The following ILDR2 variants were observed in gnomAD, a reference collection of about 807,000 sequenced individuals.
ILDR2 encodes the protein immunoglobulin-like domain-containing receptor 2.
Under a neutral mutation model 66.8 loss-of-function variants are expected in ILDR2, and 25 were observed. That is an observed-to-expected ratio of 0.37 (90% CI 0.27 to 0.52). The LOEUF is 0.52. Ranked by LOEUF, ILDR2 falls within the 20% of genes least tolerant of loss-of-function variation. The pLI is 0.88. For missense variants in ILDR2, 827 were observed against 876.8 expected, an observed-to-expected ratio of 0.94 and a Z score of 0.72; for synonymous variants, 367 against 357.2, an observed-to-expected ratio of 1.03 and a Z score of -0.31.
At chr1:166,958,716 T>G (rs1016224973) in intron 1 of ILDR2, among the ~76,000 whole-genome samples, 1 of 152,194 alleles carries the variant, frequency 6.6e-6, no homozygotes, top group Non-Finnish European at 1.5e-5. Context: ...TTAATATTTC[T>G]TCCCTCCTCT....
intron 1 of ILDR2, among the ~76,000 whole-genome samples, chr1:166,969,411 G>A (rs1258017369): frequency 6.6e-6 from 1 of 152,166 alleles, no homozygotes; most frequent in Non-Finnish European, 1.5e-5. Flanking sequence ...TTTTCAGAAA[G>A]CCAAAAACTA....
At chr1:166,939,676 G>A in intron 3 of ILDR2, 106 bp from the exon 4 acceptor site, 1 of 821,834 alleles carries the variant, frequency 1.2e-6, no homozygotes, top group East Asian at 2.5e-5. Context: ...GGCCATTAGT[G>A]CATGCTCTTT....
rs1660345304 is a variant in ILDR2 at position 166,927,074 on chromosome 1, T to C, written c.987A>G (p.Arg329=). The C allele has an allele frequency of 6.2e-7, 1 of 1,605,018 alleles. No individual in the cohort carries two copies. Residue 329 remains arginine (R), a synonymous_variant, in exon 7 of 10, where the codon AGA becomes AGG. Transcript: ENST00000271417. The part of the protein sequence containing the change: ...LAQFDPARRM[R]GRYNNTISEL... ...AAACTAACAGATGCTCACATCTGCCTCTCATCCTTCTGGCTGGATCAAACT... is the reference window on the plus strand; with the variant it reads ...AAACTAACAGATGCTCACATCTGCCCCTCATCCTTCTGGCTGGATCAAACT...
At chr1:166,956,165 G>T (rs1284862333) in intron 3 of ILDR2, among the ~76,000 whole-genome samples, 1 of 152,138 alleles carries the variant, frequency 6.6e-6, no homozygotes, top group East Asian at 1.9e-4. Flanking sequence ...GCATAACTTG[G>T]ACACTTTCAG....
intron 1 of ILDR2, among the ~76,000 whole-genome samples, chr1:166,964,633 T>C (rs1416638807): frequency 6.6e-6 from 1 of 152,060 alleles, no homozygotes; most frequent in Non-Finnish European, 1.5e-5. Context: ...TGCCTAAAGG[T>C]AGAGTGAAGA....
Position 166,936,485 on chromosome 1 carries a change from G to C in ILDR2, c.703+106C>G, listed in dbSNP as rs1325787797. 1 of 1,530,406 alleles carries C rather than the reference G, an allele frequency of 6.5e-7. No homozygotes were observed. Among genetic ancestry groups the C allele is most frequent in the Non-Finnish European group, 8.9e-7 (1 of 1,126,952 alleles). 94.8% of individuals were successfully genotyped at this position (1,530,406 alleles called of 1,614,324 possible). Reference sequence around the variant, plus strand: ...GAGTCTGGAATGACCAATCTTGGGGGTGGCAGGACAGGAGGTGGAGGAGGA... The same window carrying C: ...GAGTCTGGAATGACCAATCTTGGGGCTGGCAGGACAGGAGGTGGAGGAGGA... On this transcript the variant is annotated intron_variant, in intron 5 of 9. Transcript: ENST00000271417. This position sits in a 1 kb window ranked among gnomAD's most constrained non-coding sequence, Gnocchi z 5.0.
At position 166,921,871 on chromosome 1, in the gene ILDR2, A is replaced by G. The variant is rs1020414387; in HGVS notation, c.1212-492T>C. Among the ~76,000 whole-genome samples, 1 of 152,164 alleles carries G rather than the reference A, an allele frequency of 6.6e-6. No individual in the cohort carries two copies. The highest frequency in any genetic ancestry group is 2.4e-5 in the African/African-American group (1 of 41,442). Reference sequence around the variant, plus strand: ...AGGACACTTGCAATTTGTAAGGGAAAGGCAATGTTCACTGTCTTTTAAGGT... The same window carrying G: ...AGGACACTTGCAATTTGTAAGGGAAGGGCAATGTTCACTGTCTTTTAAGGT... On this transcript the variant is annotated intron_variant, in intron 8 of 9. Transcript: ENST00000271417. The surrounding 1 kb of genome is among the most constrained non-coding windows in gnomAD (Gnocchi z 5.3).
At chr1:166,952,780 A>G (rs368126935) in intron 3 of ILDR2, among the ~76,000 whole-genome samples, 2 of 152,146 alleles carry the variant, frequency 1.3e-5, no homozygotes, top group Non-Finnish European at 2.9e-5. Context: ...TTTTTTTTTA[A>G]CATAGCTTAT....
chr1:166,935,153 T>TA (rs1660872000), intron 6 of ILDR2, 148 bp downstream of exon 6: 2 of 793,358 alleles, frequency 2.5e-6, no homozygotes, highest in Admixed American at 2.5e-5. Context: ...CCCTAAAAGA[T>TA]ATCTGACATA....
intron 1 of ILDR2, among the ~76,000 whole-genome samples, chr1:166,969,861 A>G (rs1028003623): frequency 6.6e-6 from 1 of 152,172 alleles, no homozygotes; most frequent in Non-Finnish European, 1.5e-5. Flanking sequence ...TTAACCAGTA[A>G]GATATCATGG....
chr1:166,947,170 A>G (rs2101942117), intron 3 of ILDR2, among the ~76,000 whole-genome samples: 1 of 152,354 alleles, frequency 6.6e-6, no homozygotes, highest in African/African-American at 2.4e-5. Context: ...GAAGACTGCT[A>G]GATTGACTTT....
At chr1:166,965,570 G>T (rs917864697) in intron 1 of ILDR2, among the ~76,000 whole-genome samples, 103 of 127,332 alleles carry the variant, frequency 8.1e-4, no homozygotes, top group African/African-American at 1.6e-3. Context: ...GTTAGGTTTT[G>T]TTTTTTTTTT....
chr1:166,900,929 C>T (rs1659253408), intron 2 of ILDR2, among the ~76,000 whole-genome samples: 1 of 152,288 alleles, frequency 6.6e-6, no homozygotes, highest in South Asian at 2.1e-4. Context: ...TTCCCACCTT[C>T]TCCATTCGAC....
chr1:166,965,056 G>A (rs1189956818), intron 1 of ILDR2, among the ~76,000 whole-genome samples: 1 of 152,096 alleles, frequency 6.6e-6, no homozygotes, highest in Non-Finnish European at 1.5e-5. Context: ...TAGAAATATT[G>A]TATAATGCTC....
intron 1 of ILDR2, among the ~76,000 whole-genome samples, chr1:166,961,511 G>A (rs1171406414): frequency 6.6e-6 from 1 of 152,202 alleles, no homozygotes; most frequent in Non-Finnish European, 1.5e-5. Flanking sequence ...GGATTTTGCA[G>A]TCAGTCCTAA....
intron 2 of ILDR2, among the ~76,000 whole-genome samples, chr1:166,896,519 T>C (rs1659169179): frequency 6.7e-6 from 1 of 148,598 alleles, no homozygotes; most frequent in East Asian, 2.0e-4. Context: ...TTTAATTCTG[T>C]TCATGTAAAG....
Position 166,958,113 on chromosome 1 carries a change from A to G in ILDR2, c.47-12T>C, listed in dbSNP as rs760590499. The G allele has an allele frequency of 6.2e-7, 1 of 1,600,088 alleles. No homozygotes were observed. The highest frequency in any genetic ancestry group is 1.7e-5 in the Admixed American group (1 of 59,756). ...GCCTTCGACCATGGCTGCAAAACAG[A>G]ATAAACATGTCCGAACAGTGTCCAT... On this transcript the variant is annotated splice_polypyrimidine_tract_variant and intron_variant, in intron 1 of 9. Coordinates refer to ENST00000271417, the MANE Select transcript of ILDR2 (RefSeq NM_199351.3).
intron 3 of ILDR2, 61 bp downstream of exon 3, chr1:166,956,672 T>G (rs907530228): frequency 6.3e-7 from 1 of 1,577,732 alleles, no homozygotes; most frequent in Non-Finnish European, 8.6e-7. Context: ...AGAAGAGGGA[T>G]AGGATACAGT....
intron 7 of ILDR2, among the ~76,000 whole-genome samples, chr1:166,924,957 A>C (rs1660188342): frequency 1.3e-5 from 2 of 152,292 alleles, no homozygotes; most frequent in African/African-American, 4.8e-5. Context: ...TCGAGGCTGC[A>C]GTGAGCTGTG....
Sources: gnomAD v4.1 joint callset for allele counts (sites outside exome capture counted in the v4.1 genomes callset) on GRCh38, gnomAD v4.1.1 for gene constraint, Gnocchi (gnomAD v3.1) non-coding constraint, MANE v1.5 for transcripts, NCBI Gene and HGNC (gene_info 2026-07-23, HGNC 2026-07-21) for gene names.